AGBL1: variants seen among roughly 807,000 people sequenced by gnomAD.
The protein encoded by AGBL1 is AGBL carboxypeptidase 1.
Under a neutral mutation model 118.9 loss-of-function variants are expected in AGBL1, and 130 were observed. The ratio of observed to expected loss-of-function variants is 1.09; its 90% CI spans 0.95 to 1.26. The LOEUF is 1.26. Ranked by LOEUF, AGBL1 falls within the 50% of genes most tolerant of loss-of-function variation. The pLI, the probability that AGBL1 is intolerant of heterozygous loss-of-function variation, is 0.00. For synonymous variants in AGBL1, 555 were observed against 478.9 expected (o/e 1.16, Z -2.08); for missense variants, 1,584 against 1,298.1 (o/e 1.22, Z -3.38).
At chr15:86,233,492 C>T (rs764460678) in intron 6 of AGBL1, among the ~76,000 whole-genome samples, 8 of 152,054 alleles carry the variant, frequency 5.3e-5, no homozygotes, top group Non-Finnish European at 1.0e-4. Flanking sequence ...TTGTCCTTTG[C>T]CCCTCCCTTT....
intron 19 of AGBL1, among the ~76,000 whole-genome samples, chr15:86,532,024 G>C (rs2083356719): frequency 6.6e-6 from 1 of 151,854 alleles, no homozygotes; most frequent in South Asian, 2.1e-4. Context: ...GGAAAAACTG[G>C]AAGCATTCCC....
intron 22 of AGBL1, among the ~76,000 whole-genome samples, chr15:86,679,637 C>T (rs1596362814): frequency 2.8e-5 from 4 of 143,674 alleles, no homozygotes; most frequent in South Asian, 5.1e-4. Flanking sequence ...AACCTAACTT[C>T]AAAATGAGAA....
intron 22 of AGBL1, among the ~76,000 whole-genome samples, chr15:86,876,996 C>G (rs2079819245): frequency 6.6e-6 from 1 of 152,156 alleles, no homozygotes; most frequent in African/African-American, 2.4e-5. Flanking sequence ...ATTATTTTCC[C>G]ATTCCTGGTC....
chr15:86,459,169 C>A (rs1298028867), intron 18 of AGBL1, among the ~76,000 whole-genome samples: 1 of 152,122 alleles, frequency 6.6e-6, no homozygotes, highest in Non-Finnish European at 1.5e-5. Flanking sequence ...GTAATAGGCT[C>A]CCTTGAATAG....
chr15:86,752,706 C>T (rs528369488), intron 22 of AGBL1, among the ~76,000 whole-genome samples: 143 of 152,152 alleles, frequency 9.4e-4, no homozygotes, highest in African/African-American at 3.2e-3. Flanking sequence ...CCTTCTCCCA[C>T]CTCCAAAGAA....
At chr15:86,884,219 G>A (rs1279470852) in intron 22 of AGBL1, among the ~76,000 whole-genome samples, 2 of 152,152 alleles carry the variant, frequency 1.3e-5, no homozygotes, top group East Asian at 1.9e-4. Flanking sequence ...TCAACATAAT[G>A]ACAATGGATC....
At chr15:86,318,125 C>G (rs924381432) in intron 17 of AGBL1, among the ~76,000 whole-genome samples, 3 of 152,186 alleles carry the variant, frequency 2.0e-5, no homozygotes, top group African/African-American at 7.2e-5. Context: ...TCCTAATTAG[C>G]TGGACAGCTT....
At chr15:86,732,578 C>G (rs1465906387) in intron 22 of AGBL1, among the ~76,000 whole-genome samples, 2 of 152,140 alleles carry the variant, frequency 1.3e-5, no homozygotes, top group Non-Finnish European at 2.9e-5. Flanking sequence ...AGATAGTACT[C>G]TTTTGAAAAT....
intron 22 of AGBL1, among the ~76,000 whole-genome samples, chr15:86,892,327 T>A (rs527648778): frequency 9.8e-4 from 149 of 152,280 alleles, no homozygotes; most frequent in African/African-American, 3.4e-3. Flanking sequence ...TATGTGGGAA[T>A]GACTGGATTT....
chr15:86,755,926 G>A (rs1279624071), intron 22 of AGBL1, among the ~76,000 whole-genome samples: 1 of 152,116 alleles, frequency 6.6e-6, no homozygotes, highest in African/African-American at 2.4e-5. Context: ...TTCCCCAAGA[G>A]CTGGTTCCTA....
intron 23 of AGBL1, among the ~76,000 whole-genome samples, chr15:86,934,279 G>C (rs991351161): frequency 6.6e-6 from 1 of 152,148 alleles, no homozygotes; most frequent in Non-Finnish European, 1.5e-5. Context: ...GGCATCAAAT[G>C]ATTTATTCCT....
intron 18 of AGBL1, among the ~76,000 whole-genome samples, chr15:86,472,060 C>T (rs1350186650): frequency 2.0e-5 from 3 of 152,150 alleles, no homozygotes; most frequent in Non-Finnish European, 4.4e-5. Flanking sequence ...CCAAGGAAAG[C>T]CTGGAGTCAC....
intron 18 of AGBL1, among the ~76,000 whole-genome samples, chr15:86,510,322 T>G (rs1161346506): frequency 7.0e-6 from 1 of 143,520 alleles, no homozygotes; most frequent in Non-Finnish European, 1.5e-5. Context: ...CATTTTGGCT[T>G]GATCAACTCA....
At chr15:86,190,012 G>A (rs968220968) in intron 5 of AGBL1, among the ~76,000 whole-genome samples, 19 of 152,246 alleles carry the variant, frequency 1.2e-4, no homozygotes, top group African/African-American at 4.3e-4. Context: ...AAGGGTGCAG[G>A]CATTTGAAAG....
intron 21 of AGBL1, among the ~76,000 whole-genome samples, chr15:86,617,878 G>T (rs2084753230): frequency 6.6e-6 from 1 of 151,988 alleles, no homozygotes; most frequent in Non-Finnish European, 1.5e-5. Flanking sequence ...GTGTTGATTT[G>T]CCATTTCAAA....
intron 24 of AGBL1, among the ~76,000 whole-genome samples, chr15:86,994,225 T>C (rs35613501): frequency 1.1e-4 from 16 of 152,118 alleles, no homozygotes; most frequent in African/African-American, 3.6e-4. Flanking sequence ...AGCCTTGGAA[T>C]TGAGATGGCC....
intron 17 of AGBL1, among the ~76,000 whole-genome samples, chr15:86,351,596 G>A (rs1596002550): frequency 6.6e-6 from 1 of 152,244 alleles, no homozygotes; most frequent in South Asian, 2.1e-4. Flanking sequence ...TCTTGCCTTT[G>A]GAAGACCCAG....
At chr15:86,868,137 A>T (rs979487316) in intron 22 of AGBL1, among the ~76,000 whole-genome samples, 1 of 152,204 alleles carries the variant, frequency 6.6e-6, no homozygotes, top group African/African-American at 2.4e-5. Flanking sequence ...AACATCGGTC[A>T]TCAGGTAGAG....
intron 1 of AGBL1, among the ~76,000 whole-genome samples, chr15:86,113,918 G>A (rs1897595468): frequency 6.6e-6 from 1 of 152,166 alleles, no homozygotes; most frequent in Non-Finnish European, 1.5e-5. Context: ...GGTAATATTT[G>A]CTTATAAGAT....
Sources: gnomAD v4.1 joint callset for allele counts (sites outside exome capture counted in the v4.1 genomes callset) on GRCh38, gnomAD v4.1.1 for gene constraint, MANE v1.5 for transcripts, NCBI Gene and HGNC (gene_info 2026-07-23, HGNC 2026-07-21) for gene names.